The following FLT1 variants were observed in gnomAD, a reference collection of about 807,000 sequenced individuals.
FLT1 encodes vascular endothelial growth factor receptor 1.
Under a neutral mutation model 156.3 loss-of-function variants are expected in FLT1, and 49 were observed. The ratio of observed to expected loss-of-function variants is 0.31; its 90% CI spans 0.25 to 0.40. FLT1 has a LOEUF of 0.40. Among genes scored for constraint, FLT1 ranks in the 10% least tolerant of loss-of-function variants. FLT1 has a pLI of 1.00. For missense variants in FLT1, 1,322 were observed against 1,637.2 expected (o/e 0.81, Z 3.32); for synonymous variants, 594 against 583.8 (o/e 1.02, Z -0.25).
At chr13:28,347,659 C>A (rs980875216) in intron 15 of FLT1, among the ~76,000 whole-genome samples, 3 of 152,176 alleles carry the variant, frequency 2.0e-5, no homozygotes, top group African/African-American at 7.2e-5. Context: ...GCAGTTGGAG[C>A]CAAGGTTTCC....
intron 12 of FLT1, among the ~76,000 whole-genome samples, chr13:28,394,398 G>A (rs544663840): frequency 7.9e-5 from 12 of 152,070 alleles, no homozygotes; most frequent in Admixed American, 2.6e-4. Context: ...TTTCCACCCC[G>A]CCATGGTTAT....
chr13:28,381,220 A>T (rs959694721), intron 14 of FLT1, among the ~76,000 whole-genome samples: 7 of 152,208 alleles, frequency 4.6e-5, no homozygotes, highest in Non-Finnish European at 8.8e-5. Context: ...CTAATCTTTC[A>T]TAAAATGGAT....
At chr13:28,482,507 G>GA (rs1202865729) in intron 1 of FLT1, among the ~76,000 whole-genome samples, 56 of 148,588 alleles carry the variant, frequency 3.8e-4, no homozygotes, top group African/African-American at 1.3e-3. Context: ...GAAAGAAAAA[G>GA]AAAAAAAAAG....
intron 1 of FLT1, among the ~76,000 whole-genome samples, chr13:28,472,295 G>A (rs1470963434): frequency 6.6e-6 from 1 of 152,122 alleles, no homozygotes; most frequent in African/African-American, 2.4e-5. Flanking sequence ...GTAAATGATG[G>A]CTTTATTTTG....
intron 10 of FLT1, among the ~76,000 whole-genome samples, chr13:28,410,188 T>C (rs1221124901): frequency 6.6e-6 from 1 of 152,210 alleles, no homozygotes; most frequent in Admixed American, 6.5e-5. Flanking sequence ...TCTTCACTCC[T>C]CCTGCCTTCC....
intron 23 of FLT1, 79 bp from the exon 24 acceptor site, chr13:28,319,613 TC>T: frequency 1.2e-6 from 1 of 800,700 alleles, no homozygotes; most frequent in Non-Finnish European, 2.2e-6. Context: ...TGGGGTCACC[TC>T]CCAGATAACA....
At chr13:28,335,116 A>G (rs749594841) in intron 17 of FLT1, among the ~76,000 whole-genome samples, 2 of 152,126 alleles carry the variant, frequency 1.3e-5, no homozygotes, top group Non-Finnish European at 2.9e-5. Context: ...TGCCTTTTAT[A>G]TCAGGGAACC....
At chr13:28,351,027 T>G (rs939821575) in intron 15 of FLT1, among the ~76,000 whole-genome samples, 1 of 152,038 alleles carries the variant, frequency 6.6e-6, no homozygotes, top group South Asian at 2.1e-4. Context: ...CTTTTTTTTT[T>G]CCTTATCACT....
intron 15 of FLT1, among the ~76,000 whole-genome samples, chr13:28,350,210 C>T (rs916519138): frequency 2.0e-4 from 30 of 152,158 alleles, no homozygotes; most frequent in African/African-American, 6.8e-4. Flanking sequence ...ACATGGCTCC[C>T]GCATGATGTG....
At chr13:28,311,777 C>G (rs1313637976) in intron 26 of FLT1, 45 bp from the exon 27 acceptor site, 1 of 1,604,190 alleles carries the variant, frequency 6.2e-7, no homozygotes, top group Admixed American at 1.7e-5. Flanking sequence ...ATTCTGACTT[C>G]AACAATTTCT....
chr13:28,453,264 C>T (rs991865215), intron 3 of FLT1, among the ~76,000 whole-genome samples: 2 of 151,574 alleles, frequency 1.3e-5, no homozygotes, highest in African/African-American at 4.8e-5. Context: ...GCTGGGATTA[C>T]AGGCATGTGC....
At chr13:28,313,509 T>G (rs1871086848) in intron 25 of FLT1, among the ~76,000 whole-genome samples, 1 of 152,174 alleles carries the variant, frequency 6.6e-6, no homozygotes, top group African/African-American at 2.4e-5. Flanking sequence ...TGACTTACAC[T>G]CAAACCTGAA....
intron 14 of FLT1, among the ~76,000 whole-genome samples, chr13:28,378,236 A>T (rs1382174762): frequency 2.0e-5 from 3 of 152,050 alleles, no homozygotes; most frequent in Admixed American, 1.3e-4. Context: ...TTTAGTAGAG[A>T]CGAGGTTTCA....
At chr13:28,452,887 A>T (rs187912700) in intron 3 of FLT1, among the ~76,000 whole-genome samples, 2 of 151,768 alleles carry the variant, frequency 1.3e-5, no homozygotes, top group Non-Finnish European at 2.9e-5. Flanking sequence ...AGGGATTAAT[A>T]ATTTGCTTGA....
intron 10 of FLT1, among the ~76,000 whole-genome samples, chr13:28,410,282 G>A (rs1353055783): frequency 1.3e-5 from 2 of 152,190 alleles, no homozygotes; most frequent in African/African-American, 4.8e-5. Flanking sequence ...GAATCAGAAG[G>A]GAAAGCCCAG....
chr13:28,433,245 A>T (rs993730313), intron 6 of FLT1, among the ~76,000 whole-genome samples: 5 of 152,186 alleles, frequency 3.3e-5, no homozygotes, highest in African/African-American at 4.8e-5. Context: ...GTTTGCAAGG[A>T]TGTTCGATTT....
intron 25 of FLT1, among the ~76,000 whole-genome samples, chr13:28,316,602 G>A (rs1177976755): frequency 6.6e-6 from 1 of 151,728 alleles, no homozygotes; most frequent in African/African-American, 2.4e-5. Flanking sequence ...TGACCAGGCA[G>A]CTTCAGACAG....
intron 1 of FLT1, among the ~76,000 whole-genome samples, chr13:28,472,754 C>T (rs1417299242): frequency 6.6e-6 from 1 of 152,188 alleles, no homozygotes; most frequent in African/African-American, 2.4e-5. Flanking sequence ...GGGCGGGCCA[C>T]ATTAAGCCTC....
rs377043705 is a variant in FLT1 at position 28,304,785 on chromosome 13, A to T, written c.3816-1417T>A. On this transcript the variant is annotated intron_variant, in intron 29 of 29. Coordinates refer to ENST00000282397, the MANE Select transcript of FLT1 (RefSeq NM_002019.4). Reference sequence around the variant, plus strand: ...GCATTTCATGTAAAAGGAATCATGCAATAGGAAATATTTTATGACTGGCTT... The same window carrying T: ...GCATTTCATGTAAAAGGAATCATGCTATAGGAAATATTTTATGACTGGCTT... Among the ~76,000 whole-genome samples, 4 of 152,332 alleles carry T rather than the reference A, an allele frequency of 2.6e-5. No individual in the cohort carries two copies. The East Asian group carries it at 7.7e-4, about 29-fold the overall frequency.
Sources: gnomAD v4.1 joint callset for allele counts (sites outside exome capture counted in the v4.1 genomes callset) on GRCh38, gnomAD v4.1.1 for gene constraint, MANE v1.5 for transcripts, NCBI Gene and HGNC (gene_info 2026-07-23, HGNC 2026-07-21) for gene names.